Variants in GLI3 observed in about 807,000 individuals in gnomAD.
The protein encoded by GLI3 is GLI family zinc finger 3.
In GLI3, 20 loss-of-function variants were observed where a neutral mutation model predicts 100.8. The ratio of observed to expected loss-of-function variants is 0.20; its 90% CI spans 0.14 to 0.29. The LOEUF is 0.29. Among genes scored for constraint, GLI3 ranks in the 10% least tolerant of loss-of-function variants. The pLI is 1.00. For missense variants in GLI3, 2,040 were observed against 2,128.5 expected (o/e 0.96, Z 0.82); for synonymous variants, 938 against 860.5 (o/e 1.09, Z -1.58).
rs571383524 is a variant in GLI3, at chr7:41,967,054, C to T, written c.2432-413G>A. ...CAAGTCCCCAGGCAAAGGTACTCCA[C>T]GAGTTTCACATTCACGCTCAGGGCG... On this transcript the variant is annotated intron_variant, in intron 14 of 14. Transcript: ENST00000395925. Among the ~76,000 whole-genome samples, 30 of 152,334 alleles carry T rather than the reference C, an allele frequency of 2.0e-4. No individual in the cohort carries two copies. In the South Asian group the frequency reaches 6.0e-3, roughly 30 times the overall value.
intron 7 of GLI3, among the ~76,000 whole-genome samples, chr7:42,032,477 T>C (rs1183064766): frequency 6.6e-6 from 1 of 152,154 alleles, no homozygotes; most frequent in Admixed American, 6.5e-5. Flanking sequence ...TTGTAGAAAA[T>C]CAATCATTAA....
Position 41,964,612 on chromosome 7 carries a change from C to T in GLI3, c.4461G>A (p.Val1487=). The change falls in exon 15 of 15, where the codon GTG becomes GTA. Residue 1487 remains valine, a synonymous_variant. Coordinates refer to ENST00000395925, the MANE Select transcript of GLI3 (RefSeq NM_000168.6). ...SELLSPGANQ[V]TSTVDSLDSH... is the part of the protein sequence containing the mutation. The stretch of plus-strand genomic sequence containing the variant: ...TGTCGAGGCTGTCCACTGTGCTTGT[C>T]ACCTGATTAGCACCTGGGGAAAGTA... 1 of 1,614,176 alleles carries T rather than the reference C, an allele frequency of 6.2e-7. No individual in the cohort carries two copies. Among genetic ancestry groups the T allele is most frequent in the African/African-American group, 1.3e-5 (1 of 75,066 alleles).
chr7:42,048,860 A>C (rs967816712), intron 4 of GLI3, among the ~76,000 whole-genome samples, 164 bp from the exon 5 acceptor site: 21 of 152,178 alleles, frequency 1.4e-4, no homozygotes, highest in African/African-American at 3.6e-4. Context: ...TTTTAAAATC[A>C]GCATGATATA....
chr7:42,022,128 A>G (rs1246737281), intron 10 of GLI3, among the ~76,000 whole-genome samples: 1 of 152,194 alleles, frequency 6.6e-6, no homozygotes, highest in East Asian at 1.9e-4. Context: ...AGAAATCTAT[A>G]ATTCTTCCCA....
rs75876502 is a variant in GLI3, at chr7:41,979,990, A to G, written c.1498-1242T>C. ...TAGATGGCCTTTCGCTTTAGGTAAAAAAAAGTTTTACAAAAGTAAAGTTTT... is the reference window on the plus strand; with the variant it reads ...TAGATGGCCTTTCGCTTTAGGTAAAGAAAAGTTTTACAAAAGTAAAGTTTT... On this transcript the variant is annotated intron_variant, in intron 10 of 14. Transcript: ENST00000395925. Among the ~76,000 whole-genome samples, 1,147 of 152,330 alleles carry G rather than the reference A, an allele frequency of 7.5e-3. 18 individuals are homozygous for G. Among genetic ancestry groups the G allele is most frequent in the African/African-American group, 0.026 (1,094 of 41,570 alleles).
At chr7:42,249,175 T>C (rs937281240) in intron 1 of GLI3, among the ~76,000 whole-genome samples, 24 of 152,188 alleles carry the variant, frequency 1.6e-4, no homozygotes, top group Middle Eastern at 3.2e-3. Flanking sequence ...ACAAACTTTT[T>C]ATGTAAAAGA....
At chr7:41,979,074 G>A (rs1303796746) in intron 10 of GLI3, among the ~76,000 whole-genome samples, 1 of 152,170 alleles carries the variant, frequency 6.6e-6, no homozygotes, top group African/African-American at 2.4e-5. Flanking sequence ...TATGAAATGA[G>A]GTGAGCCACT....
chr7:42,172,692 A>G, intron 2 of GLI3: 1 of 699,162 alleles, frequency 1.4e-6, no homozygotes, highest in Non-Finnish European at 2.6e-6. Flanking sequence ...GTTGCCTGGG[A>G]GAAGGGGATG....
upstream of GLI3, among the ~76,000 whole-genome samples, chr7:42,241,401 C>T (rs1788923465): frequency 2.0e-5 from 3 of 152,084 alleles, no homozygotes; most frequent in South Asian, 6.2e-4. Context: ...GGTGATTTTG[C>T]GTGTTCTGCA....
At position 41,968,760 on chromosome 7, in the gene GLI3, G is replaced by GA. The variant is rs57861749; in HGVS notation, c.2104-838dup. ...AGAAAGAAAGAAAGAAAGAAAGAAA[G>GA]AAGGAAAGAAAGAAAGAAAGAAAGA... On this transcript the variant is annotated intron_variant, in intron 13 of 14. Transcript: ENST00000395925. 1.1e-3 allele frequency among the ~76,000 whole-genome samples: 85 copies of GA among 78,842 alleles called. 1 individual carries two copies. The highest frequency in any genetic ancestry group is 3.7e-3 in the African/African-American group (77 of 20,650). The allele number at this position is 78,842 out of a possible 152,430, so 51.7% of individuals were successfully genotyped here.
chr7:42,025,444 A>G (rs1583804003), intron 8 of GLI3, 67 bp from the exon 9 acceptor site: 3 of 1,187,246 alleles, frequency 2.5e-6, no homozygotes, highest in East Asian at 4.6e-5. Flanking sequence ...TACCATAATT[A>G]AAACCTTGCC....
chr7:42,105,012 A>G (rs1785543548), intron 3 of GLI3, among the ~76,000 whole-genome samples: 1 of 152,236 alleles, frequency 6.6e-6, no homozygotes, highest in Non-Finnish European at 1.5e-5. Context: ...AGACTGTGAT[A>G]CTGCCAGGAA....
intron 3 of GLI3, among the ~76,000 whole-genome samples, chr7:42,141,690 A>C (rs1786571888): frequency 1.3e-5 from 2 of 152,164 alleles, no homozygotes; most frequent in African/African-American, 4.8e-5. Context: ...AAAATAAAAA[A>C]ATGCAGATTT....
Position 41,972,707 on chromosome 7 carries a change from T to C in GLI3, c.1813-80A>G. On this transcript the variant is annotated intron_variant, in intron 12 of 14. Transcript: ENST00000395925. This position sits in a 1 kb window ranked among gnomAD's most constrained non-coding sequence, Gnocchi z 4.4. ...CAGCCCAAAAGTCCTTTATGGTTGCTCATTACATTTTTAATCCTTTCAAAA... is the reference window on the plus strand; with the variant it reads ...CAGCCCAAAAGTCCTTTATGGTTGCCCATTACATTTTTAATCCTTTCAAAA... 1 of 1,175,408 alleles carries C rather than the reference T, an allele frequency of 8.5e-7. No individual in the cohort carries two copies. Among genetic ancestry groups the C allele is most frequent in the Non-Finnish European group, 1.2e-6 (1 of 806,004 alleles). 72.8% of individuals were successfully genotyped at this position (1,175,408 alleles called of 1,614,324 possible).
rs142868029 is a variant in GLI3 at position 41,992,159 on chromosome 7, T to C, written c.1498-13411A>G. 2.4e-3 allele frequency among the ~76,000 whole-genome samples: 362 copies of C among 152,202 alleles called. 2 individuals carry two copies. Among genetic ancestry groups the C allele is most frequent in the African/African-American group, 8.3e-3 (343 of 41,512 alleles). On this transcript the variant is annotated intron_variant, in intron 10 of 14. Transcript: ENST00000395925. ...ACTGGGCAATGAATCCATCTAGGAG[T>C]TGCTATAATCATCCAAGAAAGCTGT...
rs775513778 is a variant in GLI3 at position 41,972,813 on chromosome 7, C to T, written c.1813-186G>A. Among the ~76,000 whole-genome samples, 2 of 152,150 alleles carry T rather than the reference C, an allele frequency of 1.3e-5. No individual in the cohort carries two copies. Among genetic ancestry groups the T allele is most frequent in the Non-Finnish European group, 2.9e-5 (2 of 68,028 alleles). On this transcript the variant is annotated intron_variant, in intron 12 of 14. Coordinates refer to ENST00000395925, the MANE Select transcript of GLI3 (RefSeq NM_000168.6). The surrounding 1 kb of genome is among the most constrained non-coding windows in gnomAD (Gnocchi z 4.4). Reference sequence around the variant, plus strand: ...AGGCCATTAGAACACTGTTCCGTGTCCATAGAATTTAGCTTTAATAGATTA... The same window carrying T: ...AGGCCATTAGAACACTGTTCCGTGTTCATAGAATTTAGCTTTAATAGATTA...
chr7:42,033,507 A>G (rs1313447116), intron 7 of GLI3, among the ~76,000 whole-genome samples: 1 of 152,212 alleles, frequency 6.6e-6, no homozygotes, highest in Non-Finnish European at 1.5e-5. Context: ...TCATGAAATC[A>G]AGATTGGAAG....
At chr7:42,231,204 A>G (rs1788691011) in intron 1 of GLI3, among the ~76,000 whole-genome samples, 1 of 152,214 alleles carries the variant, frequency 6.6e-6, no homozygotes, top group Admixed American at 6.5e-5. Flanking sequence ...TATTAGACCA[A>G]TAACCTGTTG....
intron 2 of GLI3, among the ~76,000 whole-genome samples, chr7:42,209,051 T>G (rs1788211928): frequency 6.6e-6 from 1 of 151,524 alleles, no homozygotes; most frequent in Non-Finnish European, 1.5e-5. Context: ...TACTTGCAAT[T>G]TTTTTTTTAA....
Sources: allele counts gnomAD v4.1 joint callset (sites outside exome capture counted in the v4.1 genomes callset), GRCh38; gene constraint gnomAD v4.1.1; non-coding constraint Gnocchi (gnomAD v3.1); transcripts MANE v1.5; gene names NCBI Gene and HGNC (gene_info 2026-07-23, HGNC 2026-07-21).